SMIM15: variants seen among roughly 807,000 people sequenced by gnomAD.
SMIM15 encodes the protein small integral membrane protein 15.
Under a neutral mutation model 6.8 loss-of-function variants are expected in SMIM15, and 5 were observed. The ratio of observed to expected loss-of-function variants is 0.74; its 90% CI spans 0.39 to 1.56. SMIM15 has a LOEUF of 1.56. Ranked by LOEUF, SMIM15 falls within the 40% of genes most tolerant of loss-of-function variation. SMIM15 has a pLI of 0.03. For missense variants in SMIM15, 81 were observed against 84.8 expected, an observed-to-expected ratio of 0.96 and a Z score of 0.18; for synonymous variants, 30 against 30.8, an observed-to-expected ratio of 0.97 and a Z score of 0.09.
rs954505084 is a variant in SMIM15 at position 61,162,235 on chromosome 5, C to G, written c.-187G>C. 1 of 152,538 alleles carries G rather than the reference C, an allele frequency of 6.6e-6. No homozygotes were observed. Among genetic ancestry groups the G allele is most frequent in the Admixed American group, 6.5e-5 (1 of 15,282 alleles). The allele number at this position is 152,538 out of a possible 1,614,324, so 9.4% of individuals were successfully genotyped here. Reference sequence around the variant, plus strand: ...TCCTTACCCTATCGGGGCTGCAGACCCACGGAGGCCACGTTCACTCCTGCC... The same window carrying G: ...TCCTTACCCTATCGGGGCTGCAGACGCACGGAGGCCACGTTCACTCCTGCC... On this transcript the variant is annotated 5_prime_UTR_variant, in exon 1 of 3. Transcript: ENST00000339020. The surrounding 1 kb of genome is among the most constrained non-coding windows in gnomAD (Gnocchi z 4.4).
At chr5:61,161,395 T>C (rs1225870351) in intron 1 of SMIM15, among the ~76,000 whole-genome samples, 168 bp from the exon 2 acceptor site, 1 of 152,222 alleles carries the variant, frequency 6.6e-6, no homozygotes, top group Admixed American at 6.5e-5. Context: ...CTCATTTGAA[T>C]TTACAATTGC....
In SMIM15 at chr5:61,160,122, T is replaced by C; in HGVS notation, c.50A>G (p.Lys17Arg). The C allele has an allele frequency of 6.2e-7, 1 of 1,614,188 alleles. No homozygotes were observed. Among genetic ancestry groups the C allele is most frequent in the East Asian group, 2.2e-5 (1 of 44,886 alleles). Residue 17 changes from lysine (K) to arginine (R), a missense_variant, in exon 3 of 3, where the codon AAG (lysine) becomes AGG (arginine). Transcript: ENST00000339020. ...GGTTGTAAGGAAGCCATAGGGGTCCTTTGCAGCCCATTCCACAACATACTC... is the reference window on the plus strand; with the variant it reads ...GGTTGTAAGGAAGCCATAGGGGTCCCTTGCAGCCCATTCCACAACATACTC... ...WAEYVVEWAA[K>R]DPYGFLTTVI... is the part of the protein sequence containing the mutation.
rs1193731322 is a variant in SMIM15 at position 61,159,039 on chromosome 5, A to G, written c.*908T>C. 1 of 152,242 alleles carries G rather than the reference A, an allele frequency of 6.6e-6. No homozygotes were observed. The highest frequency in any genetic ancestry group is 1.5e-5 in the Non-Finnish European group (1 of 68,034). 9.4% of individuals were successfully genotyped at this position (152,242 alleles called of 1,614,324 possible). On this transcript the variant is annotated 3_prime_UTR_variant, in exon 3 of 3. Transcript: ENST00000339020. ...GAACCTGTTTGATCAGAAAGTATTA[A>G]ATATCACTACCACATGAGTTAAAAC...
chr5:61,159,787 T>C lies in SMIM15; in HGVS notation c.*160A>G. ...CTACACCCACGCCTAAAAGTTACTA[T>C]AGTATTGAGGTCAGAACTAACATGA... On this transcript the variant is annotated 3_prime_UTR_variant, in exon 3 of 3. Transcript: ENST00000339020. 2.7e-6 allele frequency: 2 copies of C among 754,040 alleles called. No individual in the cohort carries two copies. The highest frequency in any genetic ancestry group is 4.2e-6 in the Non-Finnish European group (2 of 475,192). 46.7% of individuals were successfully genotyped at this position (754,040 alleles called of 1,614,324 possible).
At position 61,159,070 on chromosome 5, in the gene SMIM15, A is replaced by C. The variant is rs531765423; in HGVS notation, c.*877T>G. Reference sequence around the variant, plus strand: ...ACTACCACATGAGTTAAAACAAAGAATGAAATAAAAAACAAATGGTGTCTT... The same window carrying C: ...ACTACCACATGAGTTAAAACAAAGACTGAAATAAAAAACAAATGGTGTCTT... On this transcript the variant is annotated 3_prime_UTR_variant, in exon 3 of 3. Coordinates refer to ENST00000339020, the MANE Select transcript of SMIM15 (RefSeq NM_001048249.4). The C allele has an allele frequency of 6.6e-6, 1 of 152,290 alleles. No individual in the cohort carries two copies. The highest frequency in any genetic ancestry group is 2.4e-5 in the African/African-American group (1 of 41,476). The allele number at this position is 152,290 out of a possible 1,614,324, so 9.4% of individuals were successfully genotyped here. A position where few individuals can be genotyped will look rare whatever the true frequency, so the allele number is the denominator to read the frequency against.
rs1208678135 is a variant in SMIM15 at position 61,158,355 on chromosome 5, A to T, written c.*1592T>A. The T allele has an allele frequency of 6.6e-6, 1 of 152,124 alleles. No individual in the cohort carries two copies. Among genetic ancestry groups the T allele is most frequent in the African/African-American group, 2.4e-5 (1 of 41,428 alleles). 9.4% of individuals were successfully genotyped at this position (152,124 alleles called of 1,614,324 possible). A position where few individuals can be genotyped will look rare whatever the true frequency, so the allele number is the denominator to read the frequency against. On this transcript the variant is annotated 3_prime_UTR_variant, in exon 3 of 3. Coordinates refer to ENST00000339020, the MANE Select transcript of SMIM15 (RefSeq NM_001048249.4). ...TATAGATATATCTTAACACTGAATAATTTCAGTGCCTTGAGTTATAATGTG... is the reference window on the plus strand; with the variant it reads ...TATAGATATATCTTAACACTGAATATTTTCAGTGCCTTGAGTTATAATGTG...
chr5:61,160,395 T>C (rs145893106), intron 2 of SMIM15, among the ~76,000 whole-genome samples, 196 bp from the exon 3 acceptor site: 25 of 152,294 alleles, frequency 1.6e-4, no homozygotes, highest in African/African-American at 6.0e-4. Context: ...AAGTAATTCA[T>C]CTAGTACAGC....
Position 61,159,018 on chromosome 5 carries a change from C to A in SMIM15, c.*929G>T, listed in dbSNP as rs765146867. The A allele has an allele frequency of 6.6e-6, 1 of 152,088 alleles. No individual in the cohort carries two copies. The highest frequency in any genetic ancestry group is 1.5e-5 in the Non-Finnish European group (1 of 68,002). 9.4% of individuals were successfully genotyped at this position (152,088 alleles called of 1,614,324 possible). A position where few individuals can be genotyped will look rare whatever the true frequency, so the allele number is the denominator to read the frequency against. Reference sequence around the variant, plus strand: ...TGAAATTTAACGTTTTACTTTGAACCTGTTTGATCAGAAAGTATTAAATAT... The same window carrying A: ...TGAAATTTAACGTTTTACTTTGAACATGTTTGATCAGAAAGTATTAAATAT... On this transcript the variant is annotated 3_prime_UTR_variant, in exon 3 of 3. Transcript: ENST00000339020.
intron 1 of SMIM15, 87 bp from the exon 2 acceptor site, chr5:61,161,314 A>G (rs1481410428): frequency 6.6e-6 from 1 of 152,216 alleles, no homozygotes; most frequent in Non-Finnish European, 1.5e-5. Context: ...GAAAATTTCT[A>G]TATTGTATAT....
Position 61,160,051 on chromosome 5 carries a change from A to T in SMIM15, c.121T>A (p.Ser41Thr). 3.1e-6 allele frequency: 5 copies of T among 1,614,172 alleles called. No individual in the cohort carries two copies. Among genetic ancestry groups the T allele is most frequent in the Non-Finnish European group, 4.2e-6 (5 of 1,180,020 alleles). Residue 41 changes from serine (S) to threonine (T), a missense_variant, in exon 3 of 3, where the codon TCT becomes ACT. Physicochemically the swap from Ser to Thr is moderately conservative, Grantham distance 58. Coordinates refer to ENST00000339020, the MANE Select transcript of SMIM15 (RefSeq NM_001048249.4). ...TCAATCATCTTGGCCAATTTCCAAG[A>T]CAGTACAGCACTTGCTAGGAACAGT... ...TPLFLASAVL[S>T]WKLAKMIEAR...
Position 61,162,357 on chromosome 5 carries a change from C to G in SMIM15, c.-309G>C, listed in dbSNP as rs1741437008. 2.0e-5 allele frequency: 3 copies of G among 152,738 alleles called. No individual in the cohort carries two copies. Among genetic ancestry groups the G allele is most frequent in the African/African-American group, 7.2e-5 (3 of 41,476 alleles). 9.5% of individuals were successfully genotyped at this position (152,738 alleles called of 1,614,324 possible). A position where few individuals can be genotyped will look rare whatever the true frequency, so the allele number is the denominator to read the frequency against. On this transcript the variant is annotated 5_prime_UTR_variant, in exon 1 of 3. Transcript: ENST00000339020. The surrounding 1 kb of genome is among the most constrained non-coding windows in gnomAD (Gnocchi z 4.4). ...GCCACACCTTGCGCCGCCGCCGTTT[C>G]TGCTGGACACCAGGAGAAAACCACG...
In SMIM15 at chr5:61,160,227, G is replaced by A; in HGVS notation, c.-28-28C>T. On this transcript the variant is annotated intron_variant, in intron 2 of 2. Coordinates refer to ENST00000339020, the MANE Select transcript of SMIM15 (RefSeq NM_001048249.4). ...GGGGGAGGCGGGTGGAGAACACAGA[G>A]GAAAAAAACAGGAGAAAAGACTATG... 36 of 1,514,918 alleles carry A rather than the reference G, an allele frequency of 2.4e-5. No homozygotes were observed. The Admixed American group carries it at 3.3e-4, about 14-fold the overall frequency. 93.8% of individuals were successfully genotyped at this position (1,514,918 alleles called of 1,614,324 possible). A position where few individuals can be genotyped will look rare whatever the true frequency, so the allele number is the denominator to read the frequency against.
In SMIM15 at chr5:61,159,429, T is replaced by G. The variant is rs1741375338; in HGVS notation, c.*518A>C. The G allele has an allele frequency of 6.5e-6, 1 of 154,150 alleles. No individual in the cohort carries two copies. Among genetic ancestry groups the G allele is most frequent in the African/African-American group, 2.4e-5 (1 of 41,452 alleles). 9.5% of individuals were successfully genotyped at this position (154,150 alleles called of 1,614,324 possible). ...AAATAGAAGTACTCATTAATATTAT[T>G]TTGTTTTGAGAAAGCCAGAAATGAT... is the stretch of plus-strand genomic sequence containing the variant. On this transcript the variant is annotated 3_prime_UTR_variant, in exon 3 of 3. Transcript: ENST00000339020.
At chr5:61,160,478 T>A (rs1445428322) in intron 2 of SMIM15, among the ~76,000 whole-genome samples, 4 of 152,250 alleles carry the variant, frequency 2.6e-5, no homozygotes, top group African/African-American at 4.8e-5. Flanking sequence ...TCATAAGGAC[T>A]ATGCATTCTC....
In SMIM15 at chr5:61,157,841, T is replaced by C. The variant is rs1034188023; in HGVS notation, c.*2106A>G. On this transcript the variant is annotated 3_prime_UTR_variant, in exon 3 of 3. Transcript: ENST00000339020. ...ATTGATTGTACTTAGTTCTCAGAACTTCAGAAACAATGTAATAAGTAAACA... is the reference window on the plus strand; with the variant it reads ...ATTGATTGTACTTAGTTCTCAGAACCTCAGAAACAATGTAATAAGTAAACA... 2 of 152,112 alleles carry C rather than the reference T, an allele frequency of 1.3e-5. No individual in the cohort carries two copies. Among genetic ancestry groups the C allele is most frequent in the African/African-American group, 4.8e-5 (2 of 41,414 alleles). 9.4% of individuals were successfully genotyped at this position (152,112 alleles called of 1,614,324 possible).
Position 61,158,041 on chromosome 5 carries a change from CACAT to C in SMIM15, c.*1902_*1905del, listed in dbSNP as rs1741353353. On this transcript the variant is annotated 3_prime_UTR_variant, in exon 3 of 3. Transcript: ENST00000339020. ...CACACACACTGTAAAGTATGAATCT[CACAT>C]ATATAGAAAGGCTCTCTAAATGATG... 1 of 137,790 alleles carries C rather than the reference CACAT, an allele frequency of 7.3e-6. No individual in the cohort carries two copies. The highest frequency in any genetic ancestry group is 2.1e-4 in the East Asian group (1 of 4,680). 8.5% of individuals were successfully genotyped at this position (137,790 alleles called of 1,614,324 possible).
chr5:61,160,704 T>C (rs1011473343), intron 2 of SMIM15, among the ~76,000 whole-genome samples: 2 of 152,176 alleles, frequency 1.3e-5, no homozygotes, highest in African/African-American at 2.4e-5. Flanking sequence ...GAAGGAGAGA[T>C]GACTATTTCC....
rs1284846163 is a variant in SMIM15 at position 61,158,474 on chromosome 5, A to G, written c.*1473T>C. The stretch of plus-strand genomic sequence containing the variant: ...TCCATAAACATTCTCAGTGGTCCTT[A>G]GGTTCTGAGAGATACAGTCCTGAAA... On this transcript the variant is annotated 3_prime_UTR_variant, in exon 3 of 3. Transcript: ENST00000339020. The G allele has an allele frequency of 6.6e-6, 1 of 152,016 alleles. No individual in the cohort carries two copies. The allele number at this position is 152,016 out of a possible 1,614,324, so 9.4% of individuals were successfully genotyped here. A position where few individuals can be genotyped will look rare whatever the true frequency, so the allele number is the denominator to read the frequency against.
At chr5:61,161,893 C>T (rs981289973) in intron 1 of SMIM15, among the ~76,000 whole-genome samples, 1 of 152,204 alleles carries the variant, frequency 6.6e-6, no homozygotes, top group Non-Finnish European at 1.5e-5. Context: ...TGAGATCGAT[C>T]TGCCTTCACC....
Sources: allele counts gnomAD v4.1 joint callset (sites outside exome capture counted in the v4.1 genomes callset), GRCh38; gene constraint gnomAD v4.1.1; non-coding constraint Gnocchi (gnomAD v3.1); transcripts MANE v1.5; gene names NCBI Gene and HGNC (gene_info 2026-07-23, HGNC 2026-07-21).